PIWIL3: variants seen among roughly 807,000 people sequenced by gnomAD.
PIWIL3 encodes piwi like RNA-mediated gene silencing 3.
In PIWIL3, 101 loss-of-function variants were observed where a neutral mutation model predicts 109.7. The observed-to-expected ratio is 0.92, with a 90% CI of 0.78 to 1.09. PIWIL3 has a LOEUF of 1.09. PIWIL3 is among the 50% of genes least tolerant of loss of function. PIWIL3 has a pLI of 0.00. For synonymous variants in PIWIL3, 373 were observed against 376.4 expected (o/e 0.99, Z 0.10); for missense variants, 1,031 against 1,072.6 (o/e 0.96, Z 0.54).
intron 16 of PIWIL3, among the ~76,000 whole-genome samples, chr22:24,727,226 G>A (rs1404377771): frequency 2.0e-5 from 3 of 152,192 alleles, no homozygotes; most frequent in Non-Finnish European, 4.4e-5. Flanking sequence ...AATCCCTAGA[G>A]CCTGTGATTA....
chr22:24,725,141 G>C, intron 17 of PIWIL3, 104 bp from the exon 18 acceptor site: 1 of 1,383,808 alleles, frequency 7.2e-7, no homozygotes, highest in East Asian at 2.4e-5. Flanking sequence ...GCAGCTTTCA[G>C]GGCAATTTTA....
At chr22:24,728,462 G>C in intron 14 of PIWIL3, 88 bp from the exon 15 acceptor site, 1 of 1,489,378 alleles carries the variant, frequency 6.7e-7, no homozygotes, top group Non-Finnish European at 9.3e-7. Context: ...AACTTAGGTG[G>C]AAGACTAACA....
At chr22:24,769,170 C>T (rs1030480135) in intron 1 of PIWIL3, among the ~76,000 whole-genome samples, 15 of 152,250 alleles carry the variant, frequency 9.9e-5, no homozygotes, top group African/African-American at 3.6e-4. Flanking sequence ...TCCTGTATAC[C>T]TTTAAATCAT....
In PIWIL3 at chr22:24,754,874, G is replaced by C; in HGVS notation, c.693-10C>G. 1 of 1,606,522 alleles carries C rather than the reference G, an allele frequency of 6.2e-7. No individual in the cohort carries two copies. The highest frequency in any genetic ancestry group is 8.5e-7 in the Non-Finnish European group (1 of 1,173,360). ...CAGCAGCTTGAAAGTTCTGGAAATGGAAAGAATAGATTTTGTTGAAAGTAC... is the reference window on the plus strand; with the variant it reads ...CAGCAGCTTGAAAGTTCTGGAAATGCAAAGAATAGATTTTGTTGAAAGTAC... On this transcript the variant is annotated splice_polypyrimidine_tract_variant and intron_variant, in intron 6 of 20. Transcript: ENST00000616349.
intron 14 of PIWIL3, among the ~76,000 whole-genome samples, chr22:24,731,240 T>C (rs925194100): frequency 6.6e-6 from 1 of 152,202 alleles, no homozygotes; most frequent in African/African-American, 2.4e-5. Context: ...CCTCCATGAT[T>C]TAGCAGCAGA....
intron 1 of PIWIL3, among the ~76,000 whole-genome samples, chr22:24,764,719 C>T (rs1925687179): frequency 6.7e-6 from 1 of 150,086 alleles, no homozygotes; most frequent in Admixed American, 6.7e-5. Context: ...ACAATGCAAT[C>T]TCCACTCACT....
chr22:24,727,273 G>A (rs1195072662), intron 16 of PIWIL3, among the ~76,000 whole-genome samples: 2 of 152,164 alleles, frequency 1.3e-5, no homozygotes, highest in Middle Eastern at 3.2e-3. Context: ...TATGCTATAT[G>A]GCTCTGTTGA....
chr22:24,752,861 C>T (rs1221876013), intron 8 of PIWIL3, among the ~76,000 whole-genome samples: 3 of 152,166 alleles, frequency 2.0e-5, no homozygotes, highest in African/African-American at 4.8e-5. Flanking sequence ...TTTTAACCAT[C>T]CTAGTGGGTG....
chr22:24,721,467 A>G (rs1922669420), intron 19 of PIWIL3, among the ~76,000 whole-genome samples: 1 of 152,080 alleles, frequency 6.6e-6, no homozygotes, highest in South Asian at 2.1e-4. Flanking sequence ...CCACACCCCC[A>G]TCATATCTTA....
intron 1 of PIWIL3, among the ~76,000 whole-genome samples, chr22:24,764,040 GC>G (rs34682935): frequency 0.079 from 12,079 of 152,162 alleles, 602 homozygotes; most frequent in African/African-American, 0.13. Context: ...ACAGCCCCAC[GC>G]CCCGCACCGG....
chr22:24,730,346 A>G (rs1400530430), intron 14 of PIWIL3, among the ~76,000 whole-genome samples: 2 of 136,308 alleles, frequency 1.5e-5, no homozygotes, highest in Admixed American at 1.6e-4. Context: ...CCTGGGTGAC[A>G]GAGTGAGACT....
chr22:24,731,521 G>A (rs1325519139), intron 14 of PIWIL3, among the ~76,000 whole-genome samples: 1 of 151,714 alleles, frequency 6.6e-6, no homozygotes, highest in Non-Finnish European at 1.5e-5. Context: ...CATGGTGGCG[G>A]ACGCCTGTAG....
Position 24,735,737 on chromosome 22 carries a change from G to A in PIWIL3, c.1605C>T (p.Pro535=). The A allele has an allele frequency of 6.2e-7, 1 of 1,607,462 alleles. No individual in the cohort carries two copies. Among genetic ancestry groups the A allele is most frequent in the Non-Finnish European group, 8.5e-7 (1 of 1,178,310 alleles). The change falls in exon 13 of 21, where the codon CCC becomes CCT. Residue 535 remains proline, a synonymous_variant. Transcript: ENST00000616349. ...LKGHLQSVTA[P]MGITMKPAEM... is the part of the protein sequence containing the mutation. ...CTGCTGGTTTCATAGTTATGCCCAT[G>A]GGGGCTGTGACACTCTGTAGATGAC...
intron 1 of PIWIL3, among the ~76,000 whole-genome samples, chr22:24,772,660 G>A (rs990866149): frequency 3.3e-5 from 5 of 152,144 alleles, no homozygotes; most frequent in African/African-American, 9.7e-5. Flanking sequence ...AAATCCGAAC[G>A]GCTGACCAGC....
At chr22:24,732,679 C>T (rs1046871289) in intron 14 of PIWIL3, among the ~76,000 whole-genome samples, 5 of 151,992 alleles carry the variant, frequency 3.3e-5, no homozygotes, top group African/African-American at 4.8e-5. Context: ...AAAAATTAGC[C>T]GGGTGTGGCG....
At chr22:24,740,771 T>C (rs1272964605) in intron 12 of PIWIL3, among the ~76,000 whole-genome samples, 1 of 151,924 alleles carries the variant, frequency 6.6e-6, no homozygotes, top group African/African-American at 2.4e-5. Context: ...AATGGTAATA[T>C]AAGATGCCAC....
Position 24,735,882 on chromosome 22 carries a change from T to C in PIWIL3, c.1460A>G (p.Asn487Ser). The C allele has an allele frequency of 6.3e-7, 1 of 1,599,860 alleles. No individual in the cohort carries two copies. Among genetic ancestry groups the C allele is most frequent in the Non-Finnish European group, 8.5e-7 (1 of 1,175,702 alleles). The change falls in exon 13 of 21, where the codon AAT becomes AGT. Residue 487 changes from asparagine to serine, a missense_variant. Transcript: ENST00000616349. ...IVQGRRMVKA[N>S]SQGDWSREIR... ...TTCTCTTGACCAGTCTCCTTGTGAA[T>C]TGGCTTTAACCTGGAAAAGAATTAT...
intron 12 of PIWIL3, among the ~76,000 whole-genome samples, chr22:24,737,498 A>G (rs6004253): frequency 3.9e-5 from 6 of 152,258 alleles, no homozygotes; most frequent in Admixed American, 1.3e-4. Flanking sequence ...TCAGGTGAGA[A>G]CCAGCATATT....
intron 1 of PIWIL3, among the ~76,000 whole-genome samples, chr22:24,762,900 C>T (rs1231630483): frequency 6.6e-6 from 1 of 152,134 alleles, no homozygotes; most frequent in Non-Finnish European, 1.5e-5. Context: ...CAAACACCTC[C>T]CAGTAGGCCC....
Sources: allele counts gnomAD v4.1 joint callset (sites outside exome capture counted in the v4.1 genomes callset), GRCh38; gene constraint gnomAD v4.1.1; transcripts MANE v1.5; gene names NCBI Gene and HGNC (gene_info 2026-07-23, HGNC 2026-07-21).